The following IL21R variants were observed in gnomAD, a reference collection of about 807,000 sequenced individuals.
The protein encoded by IL21R is interleukin-21 receptor.
IL21R carries 14 observed loss-of-function variants against 41.3 expected under a neutral mutation model. That is an observed-to-expected ratio of 0.34 (90% CI 0.22 to 0.53). The LOEUF is 0.53. Ranked by LOEUF, IL21R falls within the 20% of genes least tolerant of loss-of-function variation. The pLI, the probability that IL21R is intolerant of heterozygous loss-of-function variation, is 0.94. For synonymous variants in IL21R, 286 were observed against 287.6 expected (o/e 0.99, Z 0.05); for missense variants, 588 against 681.6 (o/e 0.86, Z 1.53).
chr16:27,410,027 G>A (rs1039653374), intron 1 of IL21R, among the ~76,000 whole-genome samples: 1 of 152,238 alleles, frequency 6.6e-6, no homozygotes, highest in African/African-American at 2.4e-5. Context: ...ATGTCTTGTA[G>A]GTTTCTGTGT....
In IL21R at chr16:27,450,622, TC is replaced by T. The variant is rs1320538788; in HGVS notation, c.*1340del. On this transcript the variant is annotated 3_prime_UTR_variant, in exon 9 of 9. Transcript: ENST00000337929. ...CTTTTGAGACAGAGTCTCACTCTCG[TC>T]GCCCAGGCTGGAATGCAGTGGTGCG... 4.6e-6 allele frequency: 1 copy of T among 218,606 alleles called. No homozygotes were observed. The highest frequency in any genetic ancestry group is 9.2e-6 in the Non-Finnish European group (1 of 108,890). The allele number at this position is 218,606 out of a possible 1,614,324, so 13.5% of individuals were successfully genotyped here.
rs3093339 is a variant in IL21R at position 27,436,702 on chromosome 16, G to C, written c.153-786G>C. ...TAATCCCATCCCACCAACTTTCCCAGAAGTCCACCCAGAGGAGGAGATGAG... is the reference window on the plus strand; with the variant it reads ...TAATCCCATCCCACCAACTTTCCCACAAGTCCACCCAGAGGAGGAGATGAG... On this transcript the variant is annotated intron_variant, in intron 3 of 8. Coordinates refer to ENST00000337929, the MANE Select transcript of IL21R (RefSeq NM_181078.3). 7.7e-4 allele frequency among the ~76,000 whole-genome samples: 117 copies of C among 152,248 alleles called. 1 individual carries two copies. Among genetic ancestry groups the C allele is most frequent in the African/African-American group, 2.6e-3 (110 of 41,542 alleles).
Position 27,449,160 on chromosome 16 carries a change from C to T in IL21R, c.1494C>T (p.Asp498=). The T allele has an allele frequency of 6.2e-7, 1 of 1,613,184 alleles. No homozygotes were observed. Among genetic ancestry groups the T allele is most frequent in the Non-Finnish European group, 8.5e-7 (1 of 1,180,008 alleles). Residue 498 remains aspartate, a synonymous_variant, in exon 9 of 9, where the codon GAC becomes GAT. Transcript: ENST00000337929. ...TTGACAGTGGCTTTGTGGGCTCTGA[C>T]TGCAGCAGCCCTGTGGAGTGTGACT... ...DTFDSGFVGS[D]CSSPVECDFT...
intron 2 of IL21R, among the ~76,000 whole-genome samples, chr16:27,432,735 C>CTG (rs1567365662): frequency 1.3e-5 from 2 of 152,238 alleles, no homozygotes; most frequent in Non-Finnish European, 2.9e-5. Context: ...CCGACAAGTT[C>CTG]TGTGTGTCTC....
intron 3 of IL21R, among the ~76,000 whole-genome samples, chr16:27,435,505 G>A (rs887131190): frequency 4.0e-5 from 6 of 151,868 alleles, no homozygotes; most frequent in Admixed American, 6.6e-5. Context: ...CCAGGCTGGA[G>A]TGCAGTGGTG....
Position 27,449,457 on chromosome 16 carries a change from C to T in IL21R, c.*174C>T. The T allele has an allele frequency of 1.6e-6, 1 of 632,422 alleles. No homozygotes were observed. Among genetic ancestry groups the T allele is most frequent in the Non-Finnish European group, 2.6e-6 (1 of 378,774 alleles). 39.2% of individuals were successfully genotyped at this position (632,422 alleles called of 1,614,324 possible). On this transcript the variant is annotated 3_prime_UTR_variant, in exon 9 of 9. Coordinates refer to ENST00000337929, the MANE Select transcript of IL21R (RefSeq NM_181078.3). ...GTGCATATGTGTGTGTGTGCATATG[C>T]ATGTGTGTGTGTGTGTGTGTCTTAG...
intron 6 of IL21R, 58 bp from the exon 7 acceptor site, chr16:27,445,119 C>G: frequency 8.0e-7 from 1 of 1,252,580 alleles, no homozygotes; most frequent in East Asian, 2.3e-5. Flanking sequence ...CCATGCCCAC[C>G]CCATATGGCC....
At chr16:27,438,115 G>A (rs1370696028) in intron 4 of IL21R, among the ~76,000 whole-genome samples, 1 of 152,124 alleles carries the variant, frequency 6.6e-6, no homozygotes, top group East Asian at 1.9e-4. Context: ...GAGCTAGGCT[G>A]GGACCCGGGA....
rs1041426079 is a variant in IL21R at position 27,451,116 on chromosome 16, G to A, written c.*1833G>A. On this transcript the variant is annotated 3_prime_UTR_variant, in exon 9 of 9. Transcript: ENST00000337929. ...GGAAACACAGCTTCTGCACGGAGCA[G>A]GCGCAGCCCTCAACACCCCGTGCAC... 3.0e-4 allele frequency: 70 copies of A among 233,042 alleles called. No homozygotes were observed. Among genetic ancestry groups the A allele is most frequent in the African/African-American group, 1.2e-3 (55 of 45,436 alleles). 14.4% of individuals were successfully genotyped at this position (233,042 alleles called of 1,614,324 possible). A position where few individuals can be genotyped will look rare whatever the true frequency, so the allele number is the denominator to read the frequency against.
At chr16:27,444,399 C>T (rs1461745934) in intron 5 of IL21R, 143 bp from the exon 6 acceptor site, 1 of 515,514 alleles carries the variant, frequency 1.9e-6, no homozygotes, top group African/African-American at 2.0e-5. Context: ...AGTCCAGCTA[C>T]TCAGGCATAG....
In IL21R at chr16:27,447,015, G is replaced by T. The variant is rs558143104; in HGVS notation, c.867+927G>T. On this transcript the variant is annotated intron_variant, in intron 8 of 8. Coordinates refer to ENST00000337929, the MANE Select transcript of IL21R (RefSeq NM_181078.3). ...GAGCTCCTGCTGTCTGCCTGGTGCT[G>T]CGCTGGACACCCTTCCTGCCTCACT... Among the ~76,000 whole-genome samples, 94 of 152,310 alleles carry T rather than the reference G, an allele frequency of 6.2e-4. 1 individual carries two copies. Among genetic ancestry groups the T allele is most frequent in the Non-Finnish European group, 8.4e-4 (57 of 68,024 alleles).
chr16:27,438,388 G>A (rs994949535), intron 4 of IL21R, among the ~76,000 whole-genome samples: 1 of 152,144 alleles, frequency 6.6e-6, no homozygotes, highest in African/African-American at 2.4e-5. Flanking sequence ...CCCAGGGGCA[G>A]GAGGGCCTGG....
chr16:27,417,430 A>AAG (rs2086907589), intron 1 of IL21R, among the ~76,000 whole-genome samples: 2 of 152,196 alleles, frequency 1.3e-5, no homozygotes, highest in Admixed American at 1.3e-4. Context: ...GCCTCCCAGT[A>AAG]TGCTGGGATT....
rs751781497 is a variant in IL21R, at chr16:27,434,307, C to T, written c.50-40C>T. ...GGAGAGGAAGCTCTGCAGTCCCAAG[C>T]CACCCCCCACCAAGGCCTCTCTCCC... On this transcript the variant is annotated intron_variant, in intron 2 of 8. Transcript: ENST00000337929. The T allele has an allele frequency of 1.3e-5, 17 of 1,330,356 alleles. 1 individual carries two copies. In the South Asian group the frequency reaches 1.6e-4, roughly 13 times the overall value. The allele number at this position is 1,330,356 out of a possible 1,614,324, so 82.4% of individuals were successfully genotyped here.
rs2087577210 is a variant in IL21R at position 27,450,594 on chromosome 16, T to C, written c.*1311T>C. 4.5e-6 allele frequency: 1 copy of C among 219,878 alleles called. No homozygotes were observed. Among genetic ancestry groups the C allele is most frequent in the Non-Finnish European group, 9.1e-6 (1 of 109,836 alleles). The allele number at this position is 219,878 out of a possible 1,614,324, so 13.6% of individuals were successfully genotyped here. Reference sequence around the variant, plus strand: ...ACATTTTCTTTTTCTTTTTTTTTTTTTTCTTTTGAGACAGAGTCTCACTCT... The same window carrying C: ...ACATTTTCTTTTTCTTTTTTTTTTTCTTCTTTTGAGACAGAGTCTCACTCT... On this transcript the variant is annotated 3_prime_UTR_variant, in exon 9 of 9. Coordinates refer to ENST00000337929, the MANE Select transcript of IL21R (RefSeq NM_181078.3).
chr16:27,410,796 C>G (rs60766122), intron 1 of IL21R, among the ~76,000 whole-genome samples: 42,510 of 152,126 alleles, frequency 0.28, 6,601 homozygotes, highest in East Asian at 0.62. Context: ...GGGTGAAACT[C>G]TATACCCATT....
In IL21R at chr16:27,449,208, AC is replaced by A. The variant is rs748992699; in HGVS notation, c.1549del (p.Arg517GlyfsTer38). On this transcript the variant is annotated frameshift_variant, in exon 9 of 9. Coordinates refer to ENST00000337929, the MANE Select transcript of IL21R (RefSeq NM_181078.3). LOFTEE classifies it high-confidence loss of function. ...ACTTCACCAGCCCCGGGGACGAAGG[AC>A]CCCCCCGGAGCTACCTCCGCCAGTG... ...CDFTSPGDEGPPRSYLRQWVV... is the reference protein window; with the variant it reads ...CDFTSPGDEGXPRSYLRQWVV... The A allele has an allele frequency of 1.2e-6, 2 of 1,609,082 alleles. No individual in the cohort carries two copies. The highest frequency in any genetic ancestry group is 1.7e-6 in the Non-Finnish European group (2 of 1,178,876).
Position 27,436,843 on chromosome 16 carries a change from C to G in IL21R, c.153-645C>G, listed in dbSNP as rs533426764. ...ATCCCAGCACTTTGGGAGGCCAAGG[C>G]TGGCAGATCACTTGAGCCCAGGAGT... On this transcript the variant is annotated intron_variant, in intron 3 of 8. Coordinates refer to ENST00000337929, the MANE Select transcript of IL21R (RefSeq NM_181078.3). Among the ~76,000 whole-genome samples, 16 of 152,216 alleles carry G rather than the reference C, an allele frequency of 1.1e-4. No homozygotes were observed. The East Asian group carries it at 2.1e-3, about 20-fold the overall frequency.
intron 1 of IL21R, among the ~76,000 whole-genome samples, chr16:27,429,175 G>A (rs1046718537): frequency 1.1e-4 from 16 of 152,254 alleles, no homozygotes; most frequent in African/African-American, 3.4e-4. Flanking sequence ...AGTGAGCCAA[G>A]ATCGGGCCAC....
Sources: gnomAD v4.1 joint callset for allele counts (sites outside exome capture counted in the v4.1 genomes callset) on GRCh38, gnomAD v4.1.1 for gene constraint, MANE v1.5 for transcripts, NCBI Gene and HGNC (gene_info 2026-07-23, HGNC 2026-07-21) for gene names.